The following RNLS variants were observed in gnomAD, a reference collection of about 807,000 sequenced individuals.
RNLS encodes the protein renalase.
In RNLS, 39 loss-of-function variants were observed where a neutral mutation model predicts 39.8. The observed-to-expected ratio is 0.98, with a 90% CI of 0.76 to 1.28. The LOEUF (loss-of-function observed/expected upper bound fraction) is 1.28. Among genes scored for constraint, RNLS ranks in the 50% most tolerant of loss-of-function variants. RNLS has a pLI of 0.00. For missense variants in RNLS, 410 were observed against 413.3 expected, an observed-to-expected ratio of 0.99 and a Z score of 0.07; for synonymous variants, 147 against 150.7, an observed-to-expected ratio of 0.98 and a Z score of 0.18.
At chr10:88,248,911 G>A in the RNLS span, among the ~76,000 whole-genome samples, 1 of 152,188 alleles carries the variant, frequency 6.6e-6, no homozygotes, top group Non-Finnish European at 1.5e-5. Flanking sequence ...CTGTCCATGT[G>A]CCTTCTGCTG....
intron 5 of RNLS, among the ~76,000 whole-genome samples, chr10:88,315,566 T>G (rs932767963): frequency 6.6e-6 from 1 of 152,134 alleles, no homozygotes; most frequent in South Asian, 2.1e-4. Flanking sequence ...TTAAAGTGTA[T>G]AAGGCACTGA....
chr10:88,235,085 C>A, the RNLS span, among the ~76,000 whole-genome samples: 3 of 151,760 alleles, frequency 2.0e-5, no homozygotes, highest in Admixed American at 1.3e-4. Context: ...CACGGTGAAA[C>A]CCCGTCTCTA....
intron 4 of RNLS, among the ~76,000 whole-genome samples, chr10:88,451,387 G>A (rs1036612114): frequency 1.3e-5 from 2 of 152,094 alleles, no homozygotes; most frequent in African/African-American, 2.4e-5. Flanking sequence ...AGCCCCCACC[G>A]CATGGGGCTT....
At chr10:88,237,666 T>C in the RNLS span, among the ~76,000 whole-genome samples, 1 of 152,228 alleles carries the variant, frequency 6.6e-6, no homozygotes, top group African/African-American at 2.4e-5. Flanking sequence ...CAGAGAATGA[T>C]GCTTTTTGTG....
At chr10:88,383,712 C>A (rs1851688056) in intron 4 of RNLS, among the ~76,000 whole-genome samples, 2 of 152,054 alleles carry the variant, frequency 1.3e-5, no homozygotes, top group African/African-American at 4.8e-5. Context: ...AAGGCAAATA[C>A]CAAGAGAAGA....
chr10:88,264,018 T>C, the RNLS span, among the ~76,000 whole-genome samples: 746 of 152,330 alleles, frequency 4.9e-3, 6 homozygotes, highest in African/African-American at 0.017. Flanking sequence ...ATCATTCTTA[T>C]GACTTTGCAT....
At chr10:88,480,036 G>T (rs1691247063) in intron 4 of RNLS, among the ~76,000 whole-genome samples, 1 of 151,998 alleles carries the variant, frequency 6.6e-6, no homozygotes, top group South Asian at 2.1e-4. Flanking sequence ...CTCAGTCTTG[G>T]TCTATCATAT....
intron 4 of RNLS, among the ~76,000 whole-genome samples, chr10:88,390,685 G>A (rs994646363): frequency 2.0e-5 from 3 of 152,138 alleles, no homozygotes; most frequent in Admixed American, 6.6e-5. Context: ...GAATGGTACT[G>A]CCTTCTAGGG....
the RNLS span, among the ~76,000 whole-genome samples, chr10:88,172,621 G>A: frequency 6.0e-5 from 9 of 151,220 alleles, no homozygotes; most frequent in African/African-American, 2.0e-4. Context: ...CTCATTCTAC[G>A]GGTTGTCTCT....
At chr10:88,368,714 G>A (rs1259257205) in intron 4 of RNLS, among the ~76,000 whole-genome samples, 2 of 151,934 alleles carry the variant, frequency 1.3e-5, no homozygotes, top group Non-Finnish European at 2.9e-5. Flanking sequence ...CATTAATGTT[G>A]AACATTCGTT....
At chr10:88,543,338 A>G (rs1021908668) in intron 4 of RNLS, among the ~76,000 whole-genome samples, 1 of 152,156 alleles carries the variant, frequency 6.6e-6, no homozygotes, top group Non-Finnish European at 1.5e-5. Flanking sequence ...TGAGGCAGTG[A>G]TAACTGTCAG....
intron 5 of RNLS, among the ~76,000 whole-genome samples, chr10:88,347,083 C>T (rs551121892): frequency 1.3e-5 from 2 of 152,308 alleles, no homozygotes; most frequent in Admixed American, 6.5e-5. Flanking sequence ...TCTTATCCAG[C>T]TCAAGTCTTT....
chr10:88,316,306 G>A lies in RNLS; in HGVS notation c.701-1665C>T, dbSNP rs77730064. 3.1e-3 allele frequency among the ~76,000 whole-genome samples: 467 copies of A among 152,274 alleles called. 1 individual carries two copies. Among genetic ancestry groups the A allele is most frequent in the Middle Eastern group, 0.02 (6 of 294 alleles). On this transcript the variant is annotated intron_variant, in intron 5 of 6. Transcript: ENST00000331772. ...AAGACTTTACAGGTTCTGTACAGAG[G>A]GAAGGACTCAGGAGTGGAAAATCTC... is the stretch of plus-strand genomic sequence containing the variant.
chr10:88,346,512 A>G lies in RNLS; in HGVS notation c.700+16040T>C, dbSNP rs558167672. 3.9e-5 allele frequency among the ~76,000 whole-genome samples: 6 copies of G among 152,274 alleles called. No individual in the cohort carries two copies. The East Asian group carries it at 1.2e-3, about 29-fold the overall frequency. Reference sequence around the variant, plus strand: ...TTTCAGATTCAGCAATTAAACGAAGAGCTTATTCATTTTATGTGATTTAAA... The same window carrying G: ...TTTCAGATTCAGCAATTAAACGAAGGGCTTATTCATTTTATGTGATTTAAA... On this transcript the variant is annotated intron_variant, in intron 5 of 6. Coordinates refer to ENST00000331772, the MANE Select transcript of RNLS (RefSeq NM_001031709.3).
At chr10:88,484,945 T>A (rs193017111) in intron 4 of RNLS, among the ~76,000 whole-genome samples, 29 of 152,144 alleles carry the variant, frequency 1.9e-4, no homozygotes, top group Non-Finnish European at 3.8e-4. Flanking sequence ...TCAGTGTATA[T>A]ATCTCATATA....
intron 4 of RNLS, among the ~76,000 whole-genome samples, chr10:88,369,249 T>C (rs1317150904): frequency 6.6e-6 from 1 of 152,186 alleles, no homozygotes; most frequent in Non-Finnish European, 1.5e-5. Flanking sequence ...ACAAGAAGTC[T>C]ATTTATGCTG....
chr10:88,460,230 A>C (rs1289314777), intron 4 of RNLS, among the ~76,000 whole-genome samples: 1 of 152,194 alleles, frequency 6.6e-6, no homozygotes, highest in Non-Finnish European at 1.5e-5. Flanking sequence ...CAGGAGAGAA[A>C]TCTGATCATT....
At chr10:88,556,064 A>C (rs181747180) in intron 4 of RNLS, among the ~76,000 whole-genome samples, 1 of 152,210 alleles carries the variant, frequency 6.6e-6, no homozygotes, top group East Asian at 1.9e-4. Flanking sequence ...CCAATCCAAG[A>C]CCAAATTTCT....
chr10:88,519,715 C>T (rs1481175117), intron 4 of RNLS, among the ~76,000 whole-genome samples: 1 of 146,784 alleles, frequency 6.8e-6, no homozygotes, highest in African/African-American at 2.6e-5. Context: ...ATATATATCA[C>T]ATATATATGA....
Sources: allele counts gnomAD v4.1 joint callset (sites outside exome capture counted in the v4.1 genomes callset), GRCh38; gene constraint gnomAD v4.1.1; transcripts MANE v1.5; gene names NCBI Gene and HGNC (gene_info 2026-07-23, HGNC 2026-07-21).